Variants in ZNF761 observed in about 807,000 individuals in gnomAD.
The protein encoded by ZNF761 is zinc finger protein 761.
ZNF761 carries 43 observed loss-of-function variants against 59.9 expected under a neutral mutation model. The ratio of observed to expected loss-of-function variants is 0.72; its 90% CI spans 0.56 to 0.92. The LOEUF is 0.92. ZNF761 is among the 40% of genes least tolerant of loss of function. ZNF761 has a pLI of 0.00. For synonymous variants in ZNF761, 294 were observed against 304.8 expected (o/e 0.96, Z 0.37); for missense variants, 850 against 906.1 (o/e 0.94, Z 0.79).
At chr19:53,453,980 T>A (rs2086242517) in intron 4 of ZNF761, among the ~76,000 whole-genome samples, 2 of 148,820 alleles carry the variant, frequency 1.3e-5, no homozygotes, top group African/African-American at 4.9e-5. Flanking sequence ...TGTATTAACT[T>A]TTTTTTTTTT....
At chr19:53,437,117 A>G (rs1395618074) in intron 1 of ZNF761, among the ~76,000 whole-genome samples, 2 of 152,090 alleles carry the variant, frequency 1.3e-5, no homozygotes, top group African/African-American at 4.8e-5. Context: ...AGATTTGAAG[A>G]CCAGTCTGAC....
intron 3 of ZNF761, 94 bp downstream of exon 3, chr19:53,447,377 T>A (rs1377753861): frequency 2.6e-6 from 4 of 1,539,844 alleles, no homozygotes; most frequent in Non-Finnish European, 3.6e-6. Context: ...TGAAGCATCC[T>A]GCCTGACAGG....
rs140310432 is a variant in ZNF761 at position 53,455,689 on chromosome 19, G to C, written c.1182G>C (p.Lys394Asn). The part of the protein sequence containing the change: ...CNECGKTFSH[K>N]SSLTCHRRLH... Reference sequence around the variant, plus strand: ...AGTGTGGCAAGACCTTTAGTCACAAGTCATCCCTTACATGCCATCGTAGAC... The same window carrying C: ...AGTGTGGCAAGACCTTTAGTCACAACTCATCCCTTACATGCCATCGTAGAC... The change falls in exon 5 of 5, where the codon AAG becomes AAC. Residue 394 changes from lysine to asparagine, a missense_variant. Physicochemically the swap from Lys to Asn is moderately conservative, Grantham distance 94. Coordinates refer to ENST00000684525, the MANE Select transcript of ZNF761 (RefSeq NM_001289951.2). 1 of 1,612,254 alleles carries C rather than the reference G, an allele frequency of 6.2e-7. No individual in the cohort carries two copies. The highest frequency in any genetic ancestry group is 2.2e-5 in the East Asian group (1 of 44,770).
chr19:53,454,945 G>C lies in ZNF761; in HGVS notation c.438G>C (p.Ser146=). The C allele has an allele frequency of 6.2e-7, 1 of 1,614,148 alleles. No individual in the cohort carries two copies. Among genetic ancestry groups the C allele is most frequent in the East Asian group, 2.2e-5 (1 of 44,872 alleles). ...IKDQLGSSFH[S]HLPEMHIFQT... is the part of the protein sequence containing the mutation. ...ATCAGCTTGGATCAAGCTTTCATTCGCATCTGCCTGAAATGCACATATTTC... is the reference window on the plus strand; with the variant it reads ...ATCAGCTTGGATCAAGCTTTCATTCCCATCTGCCTGAAATGCACATATTTC... Residue 146 remains serine (S), a synonymous_variant, in exon 5 of 5, where the codon TCG becomes TCC. Coordinates refer to ENST00000684525, the MANE Select transcript of ZNF761 (RefSeq NM_001289951.2).
chr19:53,439,307 T>C (rs1201096157), intron 1 of ZNF761, among the ~76,000 whole-genome samples: 1 of 150,876 alleles, frequency 6.6e-6, no homozygotes, highest in Non-Finnish European at 1.5e-5. Flanking sequence ...GTTGTTTTTG[T>C]TGTTGTTGTT....
intron 1 of ZNF761, among the ~76,000 whole-genome samples, chr19:53,439,538 A>T (rs2086077320): frequency 6.6e-6 from 1 of 152,106 alleles, no homozygotes. Flanking sequence ...ATGCAAAGAT[A>T]GGCTGACTAA....
chr19:53,433,698 C>T (rs1390448589), intron 1 of ZNF761, among the ~76,000 whole-genome samples: 1 of 152,052 alleles, frequency 6.6e-6, no homozygotes, highest in Admixed American at 6.5e-5. Flanking sequence ...GAGTGGTAGT[C>T]TGCCTGGTCG....
chr19:53,454,504 A>T, intron 4 of ZNF761, 146 bp from the exon 5 acceptor site: 2 of 774,572 alleles, frequency 2.6e-6, no homozygotes, highest in Non-Finnish European at 3.8e-6. Context: ...TTTGTTAAAG[A>T]ATCTTATGCT....
chr19:53,433,794 A>C (rs1340984464), intron 1 of ZNF761, among the ~76,000 whole-genome samples: 3 of 152,150 alleles, frequency 2.0e-5, no homozygotes, highest in African/African-American at 7.2e-5. Context: ...GTATGGCTAG[A>C]ACTACTCCTA....
intron 1 of ZNF761, among the ~76,000 whole-genome samples, chr19:53,438,414 A>T (rs2086064947): frequency 6.6e-6 from 1 of 152,206 alleles, no homozygotes; most frequent in African/African-American, 2.4e-5. Flanking sequence ...TGACGCCATG[A>T]TCCTATAAGT....
chr19:53,444,090 C>G (rs2086128714), intron 1 of ZNF761: 1 of 152,206 alleles, frequency 6.6e-6, no homozygotes, highest in Non-Finnish European at 1.5e-5. Context: ...GGACCTCTGC[C>G]CCAGAAAGCC....
chr19:53,446,988 C>G (rs1249138016), intron 2 of ZNF761, among the ~76,000 whole-genome samples: 1 of 152,120 alleles, frequency 6.6e-6, no homozygotes, highest in Non-Finnish European at 1.5e-5. Context: ...GGAGCCCATT[C>G]CAGCCCAGCT....
intron 4 of ZNF761, chr19:53,449,930 G>T (rs960446114): frequency 5.1e-6 from 3 of 582,750 alleles, no homozygotes; most frequent in Non-Finnish European, 8.5e-6. Context: ...GAGCTCAAGA[G>T]ATCCTCCTCA....
intron 4 of ZNF761, among the ~76,000 whole-genome samples, chr19:53,451,645 C>T (rs1403957951): frequency 1.3e-5 from 2 of 151,742 alleles, no homozygotes; most frequent in Non-Finnish European, 2.9e-5. Flanking sequence ...TGCGGTGGTG[C>T]GACCTCAGCT....
chr19:53,445,245 T>C (rs1379137219), intron 1 of ZNF761: 2 of 152,216 alleles, frequency 1.3e-5, no homozygotes, highest in Admixed American at 1.3e-4. Context: ...TTCACACTTC[T>C]GCATTTTATA....
At chr19:53,444,319 A>G (rs2086131361) in intron 1 of ZNF761, 1 of 152,192 alleles carries the variant, frequency 6.6e-6, no homozygotes, top group African/African-American at 2.4e-5. Context: ...CTGATTGTAC[A>G]TTCTATTTAC....
chr19:53,433,659 T>A (rs1248688216), intron 1 of ZNF761, among the ~76,000 whole-genome samples: 2 of 152,236 alleles, frequency 1.3e-5, no homozygotes, highest in Admixed American at 1.3e-4. Flanking sequence ...GAAAGAGCAC[T>A]GGCTGATATT....
Position 53,435,542 on chromosome 19 carries a change from A to AGT in ZNF761, c.-185+3514_-185+3515insGT, listed in dbSNP as rs566836085. On this transcript the variant is annotated intron_variant, in intron 1 of 4. Transcript: ENST00000684525. ...GGTCTCGAACTCCCGACCTCAGGTGATCCACCCATCGTGGCCTCCAAAAGG... is the reference window on the plus strand; with the variant it reads ...GGTCTCGAACTCCCGACCTCAGGTGAGTTCCACCCATCGTGGCCTCCAAAAGG... Among the ~76,000 whole-genome samples the AGT allele has an allele frequency of 3.0e-3, 461 of 151,962 alleles. 4 individuals are homozygous for AGT. Among genetic ancestry groups the AGT allele is most frequent in the African/African-American group, 0.011 (444 of 41,432 alleles).
intron 1 of ZNF761, among the ~76,000 whole-genome samples, chr19:53,445,545 A>G (rs1262092611): frequency 1.3e-5 from 2 of 152,120 alleles, no homozygotes; most frequent in East Asian, 3.9e-4. Flanking sequence ...GGGCTAGACC[A>G]GAAAAGCTCA....
Sources: gnomAD v4.1 joint callset for allele counts (sites outside exome capture counted in the v4.1 genomes callset) on GRCh38, gnomAD v4.1.1 for gene constraint, MANE v1.5 for transcripts, NCBI Gene and HGNC (gene_info 2026-07-23, HGNC 2026-07-21) for gene names.